Variants in SEMA3C observed in about 807,000 individuals in gnomAD.
SEMA3C encodes semaphorin 3C, also known as semaphorin-3C.
SEMA3C carries 47 observed loss-of-function variants against 89.4 expected under a neutral mutation model. The observed-to-expected ratio is 0.53, with a 90% CI of 0.42 to 0.67. The LOEUF (loss-of-function observed/expected upper bound fraction) is 0.67. SEMA3C is among the 30% of genes least tolerant of loss of function. SEMA3C has a pLI of 0.00. For missense variants in SEMA3C, 839 were observed against 929.1 expected (o/e 0.90, Z 1.26); for synonymous variants, 310 against 320.2 (o/e 0.97, Z 0.34).
chr7:80,810,384 C>T (rs923251785), intron 6 of SEMA3C, among the ~76,000 whole-genome samples: 8 of 151,912 alleles, frequency 5.3e-5, no homozygotes, highest in Middle Eastern at 3.2e-3. Flanking sequence ...AAATGCTTGG[C>T]CTACTCTGGG....
chr7:80,798,740 G>T (rs1218812167), intron 10 of SEMA3C, among the ~76,000 whole-genome samples: 3 of 152,108 alleles, frequency 2.0e-5, no homozygotes, highest in Admixed American at 1.3e-4. Flanking sequence ...TCACGGTTTA[G>T]GTACTTCCCC....
At chr7:80,879,056 G>C (rs1791268331) in intron 2 of SEMA3C, among the ~76,000 whole-genome samples, 1 of 152,086 alleles carries the variant, frequency 6.6e-6, no homozygotes, top group Non-Finnish European at 1.5e-5. Context: ...CTTCATTGAG[G>C]TAGTGGTGAA....
At position 80,804,058 on chromosome 7, in the gene SEMA3C, T is replaced by G. The variant is rs200486908; in HGVS notation, c.801+48A>C. ...ATAAAAGCACGGAGATAAACCATAA[T>G]TTGAATTTCTTGGTCTTTCTTCAAA... On this transcript the variant is annotated intron_variant, in intron 8 of 17. Transcript: ENST00000265361. 7.7e-5 allele frequency: 117 copies of G among 1,511,346 alleles called. 1 individual carries two copies. The Middle Eastern group carries it at 2.5e-3, about 32-fold the overall frequency. 93.6% of individuals were successfully genotyped at this position (1,511,346 alleles called of 1,614,324 possible).
intron 16 of SEMA3C, among the ~76,000 whole-genome samples, chr7:80,749,704 A>C (rs1031380314): frequency 2.0e-5 from 3 of 152,184 alleles, no homozygotes; most frequent in African/African-American, 7.2e-5. Flanking sequence ...TTCTCAACGA[A>C]AGTATTAAAT....
chr7:80,878,222 A>G (rs1408188710), intron 2 of SEMA3C, among the ~76,000 whole-genome samples: 2 of 152,162 alleles, frequency 1.3e-5, no homozygotes, highest in Admixed American at 6.5e-5. Context: ...TACTAAAAAT[A>G]CAAAATTAAT....
At chr7:80,780,475 C>T (rs1244516458) in intron 12 of SEMA3C, among the ~76,000 whole-genome samples, 1 of 152,082 alleles carries the variant, frequency 6.6e-6, no homozygotes, top group East Asian at 1.9e-4. Context: ...ATTGATTAAT[C>T]TTTGTTTTAA....
chr7:80,750,619 T>C (rs1177522052), intron 16 of SEMA3C, among the ~76,000 whole-genome samples: 1 of 151,266 alleles, frequency 6.6e-6, no homozygotes, highest in Non-Finnish European at 1.5e-5. Context: ...TTAGGCTAAG[T>C]GAAATAAGCC....
chr7:80,918,454 A>T (rs1277660988), intron 1 of SEMA3C: 1 of 152,180 alleles, frequency 6.6e-6, no homozygotes, highest in Admixed American at 6.5e-5. Flanking sequence ...TGTCTTAAAT[A>T]CACCCCCGCC....
At chr7:80,800,701 T>C in intron 10 of SEMA3C, 56 bp downstream of exon 10, 3 of 1,027,304 alleles carry the variant, frequency 2.9e-6, no homozygotes, top group Non-Finnish European at 4.4e-6. Context: ...TAATAATTAC[T>C]GTTACTCCAT....
intron 17 of SEMA3C, among the ~76,000 whole-genome samples, chr7:80,746,718 G>GGGGTGTGTGTGTGTGTGTGTGTGT (rs149678378): frequency 7.0e-6 from 1 of 142,930 alleles, no homozygotes; most frequent in Non-Finnish European, 1.5e-5. Flanking sequence ...ATTGAAGTGG[G>GGGGTGTGTGTGTGTGTGTGTGTGT]GTGTGTGTGT....
chr7:80,846,682 G>A (rs1194557858), intron 2 of SEMA3C, among the ~76,000 whole-genome samples: 4 of 152,132 alleles, frequency 2.6e-5, no homozygotes, highest in African/African-American at 9.7e-5. Flanking sequence ...TATAAAGACT[G>A]TCCTGATTCT....
chr7:80,798,418 C>T (rs1279662089), intron 10 of SEMA3C, among the ~76,000 whole-genome samples, 182 bp from the exon 11 acceptor site: 42 of 152,216 alleles, frequency 2.8e-4, no homozygotes, highest in Admixed American at 6.5e-5. Context: ...TAAAGCATTA[C>T]AATACTCAAT....
At chr7:80,903,431 C>A (rs1191740907) in intron 2 of SEMA3C, among the ~76,000 whole-genome samples, 1 of 152,140 alleles carries the variant, frequency 6.6e-6, no homozygotes, top group Non-Finnish European at 1.5e-5. Flanking sequence ...GAGGCTGAGG[C>A]AGGCAGATCA....
rs552990269 is a variant in SEMA3C, at chr7:80,859,415, AC to A, written c.104-30671del. 8.6e-4 allele frequency among the ~76,000 whole-genome samples: 131 copies of A among 152,214 alleles called. No homozygotes were observed. The East Asian group carries it at 9.9e-3, about 11-fold the overall frequency. On this transcript the variant is annotated intron_variant, in intron 2 of 17. Coordinates refer to ENST00000265361, the MANE Select transcript of SEMA3C (RefSeq NM_006379.5). ...ACCCGATGAGCTCCCTAGAGAGGAT[AC>A]CTGTTCTGCTCTATCATTTTCAAGT...
At position 80,805,636 on chromosome 7, in the gene SEMA3C, T is replaced by C. The variant is rs780569663; in HGVS notation, c.658+3A>G. On this transcript the variant is annotated splice_donor_region_variant and intron_variant, in intron 7 of 17. Transcript: ENST00000265361. ...AAAATAAATGCATCAAATGCTTTCT[T>C]ACCACTTAGCCATTTGGAATTATGT... 1 of 1,594,982 alleles carries C rather than the reference T, an allele frequency of 6.3e-7. No individual in the cohort carries two copies. The highest frequency in any genetic ancestry group is 8.5e-7 in the Non-Finnish European group (1 of 1,172,160).
chr7:80,867,304 C>G (rs185366287), intron 2 of SEMA3C, among the ~76,000 whole-genome samples: 1 of 151,972 alleles, frequency 6.6e-6, no homozygotes, highest in Non-Finnish European at 1.5e-5. Context: ...TCTTGCTATA[C>G]TGCCCAGACT....
intron 2 of SEMA3C, among the ~76,000 whole-genome samples, chr7:80,842,874 T>G (rs1292887911): frequency 6.6e-6 from 1 of 152,148 alleles, no homozygotes; most frequent in African/African-American, 2.4e-5. Flanking sequence ...ATCAGAGACA[T>G]ATAAACTGTA....
chr7:80,894,086 A>G (rs1791677546), intron 2 of SEMA3C, among the ~76,000 whole-genome samples: 1 of 152,192 alleles, frequency 6.6e-6, no homozygotes, highest in South Asian at 2.1e-4. Flanking sequence ...AAAAATAAAT[A>G]TCCAATTTAT....
intron 11 of SEMA3C, among the ~76,000 whole-genome samples, chr7:80,796,950 A>G (rs1789079749): frequency 6.6e-6 from 1 of 152,178 alleles, no homozygotes; most frequent in African/African-American, 2.4e-5. Flanking sequence ...ATAAAGGAGC[A>G]AACAATATTG....
Sources: allele counts gnomAD v4.1 joint callset (sites outside exome capture counted in the v4.1 genomes callset), GRCh38; gene constraint gnomAD v4.1.1; transcripts MANE v1.5; gene names NCBI Gene and HGNC (gene_info 2026-07-23, HGNC 2026-07-21).